SBNO2: variants seen among roughly 807,000 people sequenced by gnomAD.
The protein encoded by SBNO2 is strawberry notch homolog 2.
A neutral mutation model predicts 146.3 loss-of-function variants in SBNO2; 89 were observed. That is an observed-to-expected ratio of 0.61 (90% CI 0.51 to 0.73). The LOEUF (loss-of-function observed/expected upper bound fraction) is 0.73, where lower values mean the gene tolerates loss of function less well. Among genes scored for constraint, SBNO2 ranks in the 30% least tolerant of loss-of-function variants. The pLI, the probability that SBNO2 is intolerant of heterozygous loss-of-function variation, is 0.00. For missense variants in SBNO2, 2,092 were observed against 2,003.7 expected (o/e 1.04, Z -0.84); for synonymous variants, 1,147 against 892.6 (o/e 1.29, Z -5.08).
chr19:1,109,033 C>T lies in SBNO2; in HGVS notation c.3426-64G>A. ...CAGGGGCCCGCAGGCTCCCCAGGTG[C>T]CCTGAGATCTCCCGCCTCCTCTCAG... On this transcript the variant is annotated intron_variant, in intron 30 of 31. Transcript: ENST00000361757. This position sits in a 1 kb window ranked among gnomAD's most constrained non-coding sequence, Gnocchi z 4.2. 1 of 1,496,614 alleles carries T rather than the reference C, an allele frequency of 6.7e-7. No homozygotes were observed. The highest frequency in any genetic ancestry group is 1.3e-5 in the South Asian group (1 of 78,288). The allele number at this position is 1,496,614 out of a possible 1,614,324, so 92.7% of individuals were successfully genotyped here.
intron 4 of SBNO2, among the ~76,000 whole-genome samples, chr19:1,138,187 C>A: frequency 7.8e-5 from 1 of 12,844 alleles, no homozygotes; most frequent in East Asian, 1.9e-3. Context: ...GGCTGGGGTG[C>A]GGTGGGGGGA....
chr19:1,141,365 C>T (rs1488376731), intron 4 of SBNO2, among the ~76,000 whole-genome samples: 2 of 152,102 alleles, frequency 1.3e-5, no homozygotes, highest in Non-Finnish European at 2.9e-5. Context: ...CAGGTGCCCG[C>T]CACCATGCTC....
intron 14 of SBNO2, among the ~76,000 whole-genome samples, chr19:1,117,791 C>T (rs2079851300): frequency 1.3e-5 from 2 of 152,268 alleles, no homozygotes; most frequent in Non-Finnish European, 1.5e-5. Context: ...CTCGCAGCCA[C>T]GCCTCTCTTG....
At position 1,110,917 on chromosome 19, in the gene SBNO2, C is replaced by T. The variant is rs771187707; in HGVS notation, c.2885-29G>A. 10 of 1,611,674 alleles carry T rather than the reference C, an allele frequency of 6.2e-6. No homozygotes were observed. Among genetic ancestry groups the T allele is most frequent in the Non-Finnish European group, 8.5e-6 (10 of 1,178,240 alleles). On this transcript the variant is annotated intron_variant, in intron 25 of 31. Transcript: ENST00000361757. The surrounding 1 kb of genome is among the most constrained non-coding windows in gnomAD (Gnocchi z 4.9). ...GTAGGGGAGGGAGCCAAGCCTCAGG[C>T]TGCGCTGGGAATCCCTCTCCCTGCT...
chr19:1,155,409 G>A (rs556513734), intron 1 of SBNO2, among the ~76,000 whole-genome samples: 5 of 152,162 alleles, frequency 3.3e-5, no homozygotes, highest in East Asian at 1.9e-4. Flanking sequence ...CTGCCAGGCC[G>A]TCCCAACTGT....
rs536458237 is a variant in SBNO2 at position 1,108,400 on chromosome 19, G to A, written c.3921C>T (p.Gly1307=). The change falls in exon 32 of 32, where the codon GGC becomes GGT. Residue 1307 remains glycine, a synonymous_variant. Transcript: ENST00000361757. ...GCACCTCCTTGAAGTTGATGTCGCA[G>A]CCCTGGTGCGCGAGGGCCGCAGGGT... The part of the protein sequence containing the change: ...QADPAALAHQ[G]CDINFKEVLE... 7.7e-5 allele frequency: 98 copies of A among 1,279,552 alleles called. No homozygotes were observed. The highest frequency in any genetic ancestry group is 8.9e-5 in the Non-Finnish European group (90 of 1,007,452). 79.3% of individuals were successfully genotyped at this position (1,279,552 alleles called of 1,614,324 possible).
At chr19:1,139,622 C>T (rs1023487476) in intron 4 of SBNO2, among the ~76,000 whole-genome samples, 5 of 152,088 alleles carry the variant, frequency 3.3e-5, no homozygotes, top group Non-Finnish European at 7.4e-5. Context: ...TGGTGAAACC[C>T]CGTCTCTACT....
At chr19:1,160,303 T>C (rs1290384867) in intron 1 of SBNO2, among the ~76,000 whole-genome samples, 1 of 152,158 alleles carries the variant, frequency 6.6e-6, no homozygotes, top group Non-Finnish European at 1.5e-5. Flanking sequence ...CCCCACCCAC[T>C]GGGTACATCC....
chr19:1,122,818 C>T, intron 8 of SBNO2, 27 bp from the exon 9 acceptor site: 2 of 1,537,824 alleles, frequency 1.3e-6, no homozygotes, highest in Non-Finnish European at 1.7e-6. Context: ...GGCGTCAGGG[C>T]CTGGGGGTGC....
intron 3 of SBNO2, among the ~76,000 whole-genome samples, chr19:1,149,108 A>G (rs1254544704): frequency 7.6e-6 from 1 of 131,798 alleles, no homozygotes; most frequent in African/African-American, 2.9e-5. Flanking sequence ...CCTGGCCCAT[A>G]GCCCACACCT....
Position 1,117,489 on chromosome 19 carries a change from G to A in SBNO2, c.1538C>T (p.Ala513Val). 6.3e-7 allele frequency: 1 copy of A among 1,580,306 alleles called. No homozygotes were observed. The highest frequency in any genetic ancestry group is 8.6e-7 in the Non-Finnish European group (1 of 1,164,994). ...GGCCGCCTGCTGGAACACGTTCAGG[G>A]CCTCGGCCCACTGCAATGACACGTC... Reference protein sequence around the residue: ...YNRAALLWAEALNVFQQAADW... With the variant: ...YNRAALLWAEVLNVFQQAADW... Residue 513 changes from alanine (A) to valine (V), a missense_variant, in exon 15 of 32, where the codon GCC becomes GTC. Physicochemically the swap from Ala to Val is moderately conservative, Grantham distance 64. Coordinates refer to ENST00000361757, the MANE Select transcript of SBNO2 (RefSeq NM_014963.3).
At position 1,109,765 on chromosome 19, in the gene SBNO2, C is replaced by A. The variant is rs1306264708; in HGVS notation, c.3041G>T (p.Gly1014Val). The stretch of plus-strand genomic sequence containing the variant: ...GCTCTCCTCGTAGATCTCCTCGATA[C>A]CGGGAGCAAGGTCTAGGGGGGCGGG... Reference protein sequence around the residue: ...YDMGILDLAPGIEEIYEESQQ... With the variant: ...YDMGILDLAPVIEEIYEESQQ... The change falls in exon 27 of 32, where the codon GGT becomes GTT. Residue 1014 changes from glycine to valine, a missense_variant. Physicochemically the swap from Gly to Val is moderately radical, Grantham distance 109. Coordinates refer to ENST00000361757, the MANE Select transcript of SBNO2 (RefSeq NM_014963.3). This position sits in a 1 kb window ranked among gnomAD's most constrained non-coding sequence, Gnocchi z 4.2. 6.3e-7 allele frequency: 1 copy of A among 1,594,996 alleles called. No individual in the cohort carries two copies. The highest frequency in any genetic ancestry group is 1.7e-5 in the Admixed American group (1 of 59,276).
chr19:1,108,986 T>A lies in SBNO2; in HGVS notation c.3426-17A>T. On this transcript the variant is annotated splice_polypyrimidine_tract_variant and intron_variant, in intron 30 of 31. Coordinates refer to ENST00000361757, the MANE Select transcript of SBNO2 (RefSeq NM_014963.3). ...TGCCGGTTCCTGCGGACGAGACGGG[T>A]CGTCTCGGCTCAGGCGGGTCCCAGG... 6.7e-7 allele frequency: 1 copy of A among 1,501,292 alleles called. No individual in the cohort carries two copies. Among genetic ancestry groups the A allele is most frequent in the Non-Finnish European group, 8.9e-7 (1 of 1,128,878 alleles). 93.0% of individuals were successfully genotyped at this position (1,501,292 alleles called of 1,614,324 possible).
chr19:1,123,108 A>G, intron 7 of SBNO2, 63 bp from the exon 8 acceptor site: 1 of 1,546,954 alleles, frequency 6.5e-7, no homozygotes, highest in Non-Finnish European at 8.7e-7. Context: ...AGGGCCGGTT[A>G]TGGCACGCTG....
At chr19:1,117,080 G>A (rs1409751802) in intron 15 of SBNO2, among the ~76,000 whole-genome samples, 154 bp from the exon 16 acceptor site, 3 of 152,142 alleles carry the variant, frequency 2.0e-5, no homozygotes, top group African/African-American at 7.2e-5. Flanking sequence ...AACACACACT[G>A]CTGGGTGGGG....
At chr19:1,124,305 G>A (rs529204010) in intron 5 of SBNO2, among the ~76,000 whole-genome samples, 6 of 152,326 alleles carry the variant, frequency 3.9e-5, no homozygotes, top group African/African-American at 4.8e-5. Context: ...TGGAGTGCCC[G>A]GGAGGAAGGT....
At chr19:1,129,570 T>C (rs900166756) in intron 4 of SBNO2, among the ~76,000 whole-genome samples, 3 of 151,678 alleles carry the variant, frequency 2.0e-5, no homozygotes, top group African/African-American at 7.3e-5. Context: ...ATCGGCAGGG[T>C]TGGGGAGCAT....
intron 4 of SBNO2, chr19:1,132,270 A>T (rs1568595655): frequency 5.3e-6 from 7 of 1,314,556 alleles, no homozygotes; most frequent in Non-Finnish European, 6.8e-6. Flanking sequence ...CTGCATTTGC[A>T]TGTCGGTTTA....
chr19:1,143,677 G>C (rs1237982765), intron 4 of SBNO2, among the ~76,000 whole-genome samples: 1 of 152,066 alleles, frequency 6.6e-6, no homozygotes, highest in Non-Finnish European at 1.5e-5. Context: ...CGGCCAGAGC[G>C]CAGGCTCTTC....
Sources: gnomAD v4.1 joint callset for allele counts (sites outside exome capture counted in the v4.1 genomes callset) on GRCh38, gnomAD v4.1.1 for gene constraint, Gnocchi (gnomAD v3.1) non-coding constraint, MANE v1.5 for transcripts, NCBI Gene and HGNC (gene_info 2026-07-23, HGNC 2026-07-21) for gene names.